Variants in PKP4 observed in about 807,000 individuals in gnomAD.
PKP4 encodes the protein plakophilin-4.
Under a neutral mutation model 145.1 loss-of-function variants are expected in PKP4, and 90 were observed. That is an observed-to-expected ratio of 0.62 (90% confidence interval 0.52 to 0.74). The LOEUF is 0.74. PKP4 is among the 30% of genes least tolerant of loss of function. The probability of loss-of-function intolerance (pLI) is 0.00; values close to 1 mark genes in which losing one functional copy is unlikely to be tolerated. For missense variants in PKP4, 1,340 were observed against 1,482.7 expected, an observed-to-expected ratio of 0.90 and a Z score of 1.58; for synonymous variants, 563 against 577.2, an observed-to-expected ratio of 0.98 and a Z score of 0.35.
At chr2:158,560,554 A>C (rs771311764) in intron 2 of PKP4, among the ~76,000 whole-genome samples, 34 of 152,366 alleles carry the variant, frequency 2.2e-4, no homozygotes, top group Non-Finnish European at 4.6e-4. Flanking sequence ...TAAAAATGGA[A>C]TCCAAGGCAT....
intron 1 of PKP4, among the ~76,000 whole-genome samples, chr2:158,478,437 GT>G (rs1692842417): frequency 6.6e-6 from 1 of 152,074 alleles, no homozygotes; most frequent in Non-Finnish European, 1.5e-5. Flanking sequence ...ACATTAACAT[GT>G]TTTAGAAGAG....
Position 158,666,604 on chromosome 2 carries a change from GC to G in PKP4, c.2728+42del, listed in dbSNP as rs750431016. 2.0e-6 allele frequency: 3 copies of G among 1,529,798 alleles called. No individual in the cohort carries two copies. The South Asian group carries it at 3.7e-5, about 19-fold the overall frequency. The allele number at this position is 1,529,798 out of a possible 1,614,324, so 94.8% of individuals were successfully genotyped here. ...AAGATGAGCTGTAAATGTGAGAGCA[GC>G]TACAAAATTCATGAAACTCTTCTTT... On this transcript the variant is annotated intron_variant, in intron 16 of 21. Coordinates refer to ENST00000389759, the MANE Select transcript of PKP4 (RefSeq NM_003628.6).
Position 158,547,933 on chromosome 2 carries a change from G to A in PKP4, c.132+14617G>A, listed in dbSNP as rs149889702. Among the ~76,000 whole-genome samples the A allele has an allele frequency of 2.5e-3, 376 of 152,312 alleles. 1 individual carries two copies. Among genetic ancestry groups the A allele is most frequent in the Non-Finnish European group, 3.9e-3 (266 of 68,028 alleles). ...AAGTCGGCCAACAAGGCTCAAGACCGGAGTTCAAGTCTGTGCTGAGGCTGG... is the reference window on the plus strand; with the variant it reads ...AAGTCGGCCAACAAGGCTCAAGACCAGAGTTCAAGTCTGTGCTGAGGCTGG... On this transcript the variant is annotated intron_variant, in intron 2 of 21. Coordinates refer to ENST00000389759, the MANE Select transcript of PKP4 (RefSeq NM_003628.6).
At chr2:158,513,380 A>G (rs987043360) in intron 1 of PKP4, among the ~76,000 whole-genome samples, 2 of 152,140 alleles carry the variant, frequency 1.3e-5, no homozygotes, top group African/African-American at 2.4e-5. Flanking sequence ...CAGGATGGCA[A>G]TACCCGAGTA....
intron 4 of PKP4, among the ~76,000 whole-genome samples, chr2:158,605,055 C>A (rs984433096): frequency 1.3e-5 from 2 of 152,192 alleles, no homozygotes; most frequent in Non-Finnish European, 2.9e-5. Context: ...CACTTTGTCA[C>A]AGCATTTAAG....
At chr2:158,658,056 A>C in intron 11 of PKP4, 75 bp from the exon 12 acceptor site, 3 of 841,082 alleles carry the variant, frequency 3.6e-6, no homozygotes, top group Non-Finnish European at 5.8e-6. Flanking sequence ...CATATTAATT[A>C]GAGCTAATAC....
At chr2:158,631,503 A>T (rs2053356632) in intron 7 of PKP4, among the ~76,000 whole-genome samples, 1 of 150,448 alleles carries the variant, frequency 6.6e-6, no homozygotes, top group Non-Finnish European at 1.5e-5. Context: ...CCAGTTTCAG[A>T]CTCCTGAGTA....
At chr2:158,566,491 T>TATATATATATATATATATAA (rs1574516938) in intron 2 of PKP4, among the ~76,000 whole-genome samples, 1 of 152,070 alleles carries the variant, frequency 6.6e-6, no homozygotes, top group African/African-American at 2.4e-5. Flanking sequence ...TATATATATA[T>TATATATATATATATATATAA]AAAACCCAAA....
At chr2:158,648,926 A>G (rs2055081011) in intron 11 of PKP4, among the ~76,000 whole-genome samples, 1 of 152,250 alleles carries the variant, frequency 6.6e-6, no homozygotes, top group Non-Finnish European at 1.5e-5. Flanking sequence ...TGAGCCTGAA[A>G]GGCGGATGTT....
intron 3 of PKP4, among the ~76,000 whole-genome samples, chr2:158,599,051 G>C (rs1305343786): frequency 6.6e-6 from 1 of 152,196 alleles, no homozygotes; most frequent in Non-Finnish European, 1.5e-5. Flanking sequence ...GAGGAGCCAG[G>C]TGGTGCAGGG....
chr2:158,490,025 G>A (rs1310030324), intron 1 of PKP4, among the ~76,000 whole-genome samples: 1 of 152,104 alleles, frequency 6.6e-6, no homozygotes, highest in African/African-American at 2.4e-5. Context: ...ACAATTAGGG[G>A]AAGTGTTATT....
chr2:158,674,225 T>C (rs2057806665), intron 19 of PKP4, among the ~76,000 whole-genome samples: 1 of 152,222 alleles, frequency 6.6e-6, no homozygotes, highest in Non-Finnish European at 1.5e-5. Context: ...CCCCAGGCCC[T>C]GCCCTCAAGT....
intron 1 of PKP4, among the ~76,000 whole-genome samples, chr2:158,468,770 C>CTTTTTTTTTTTTTTTTTTTTTTT (rs58577988): frequency 9.1e-6 from 1 of 109,966 alleles, no homozygotes; most frequent in Admixed American, 1.1e-4. Context: ...TCTTCTTCTT[C>CTTTTTTTTTTTTTTTTTTTTTTT]TTTTTTTTTT....
intron 19 of PKP4, among the ~76,000 whole-genome samples, chr2:158,675,679 C>T (rs1261358358): frequency 6.6e-6 from 1 of 152,136 alleles, no homozygotes; most frequent in East Asian, 1.9e-4. Flanking sequence ...TGGAGGCAGG[C>T]GGGTATGCTT....
At chr2:158,505,632 AAAG>A (rs1429579598) in intron 1 of PKP4, among the ~76,000 whole-genome samples, 4 of 152,034 alleles carry the variant, frequency 2.6e-5, no homozygotes, top group African/African-American at 4.8e-5. Flanking sequence ...TAAGGTGAGA[AAAG>A]AAGCAGGGTG....
rs563041010 is a variant in PKP4 at position 158,579,929 on chromosome 2, T to C, written c.245+2546T>C. On this transcript the variant is annotated intron_variant, in intron 3 of 21. Coordinates refer to ENST00000389759, the MANE Select transcript of PKP4 (RefSeq NM_003628.6). ...AATAGTACTTGGTATTGTTTGTCAG[T>C]GTGTGCATGTGGAGTAAAATTATAA... Among the ~76,000 whole-genome samples the C allele has an allele frequency of 5.3e-5, 8 of 152,242 alleles. No individual in the cohort carries two copies. The East Asian group carries it at 1.2e-3, about 22-fold the overall frequency.
Position 158,625,272 on chromosome 2 carries a change from T to TG in PKP4, c.1002dup (p.Ser335ValfsTer26). ...GTAGCTTCCCCATCCCAAGGCCAGG[T>TG]GGGGTCGTCGTCCCCCAAACGCTCA... On this transcript the variant is annotated frameshift_variant, in exon 7 of 22. Coordinates refer to ENST00000389759, the MANE Select transcript of PKP4 (RefSeq NM_003628.6). LOFTEE classifies it high-confidence loss of function. The TG allele has an allele frequency of 6.2e-7, 1 of 1,614,148 alleles. No individual in the cohort carries two copies. Among genetic ancestry groups the TG allele is most frequent in the Non-Finnish European group, 8.5e-7 (1 of 1,180,014 alleles).
At position 158,680,693 on chromosome 2, in the gene PKP4, C is replaced by T. The variant is rs2106039212; in HGVS notation, c.*16C>T. The T allele has an allele frequency of 6.3e-7, 1 of 1,586,034 alleles. No individual in the cohort carries two copies. The highest frequency in any genetic ancestry group is 8.6e-7 in the Non-Finnish European group (1 of 1,168,118). On this transcript the variant is annotated 3_prime_UTR_variant, in exon 22 of 22. Transcript: ENST00000389759. ...ATGGGTGTAGCATCAAGATGCCCAA[C>T]AGAGGAACTCTTTCTTTCTAACCTT...
intron 6 of PKP4, among the ~76,000 whole-genome samples, chr2:158,623,069 G>A (rs2052407123): frequency 6.6e-6 from 1 of 152,146 alleles, no homozygotes; most frequent in South Asian, 2.1e-4. Context: ...ACATTTTCTA[G>A]TTGTCTGGAC....
Sources: allele counts gnomAD v4.1 joint callset (sites outside exome capture counted in the v4.1 genomes callset), GRCh38; gene constraint gnomAD v4.1.1; transcripts MANE v1.5; gene names NCBI Gene and HGNC (gene_info 2026-07-23, HGNC 2026-07-21).